GABRA2: variants seen among roughly 807,000 people sequenced by gnomAD.
The protein encoded by GABRA2 is gamma-aminobutyric acid receptor subunit alpha-2.
Under a neutral mutation model 48.7 loss-of-function variants are expected in GABRA2, and 16 were observed. The ratio of observed to expected loss-of-function variants is 0.33; its 90% confidence interval spans 0.22 to 0.50. The LOEUF (loss-of-function observed/expected upper bound fraction) is 0.50, where lower values mean the gene tolerates loss of function less well. Ranked by LOEUF, GABRA2 falls within the 20% of genes least tolerant of loss-of-function variation. The pLI is 0.98. For missense variants in GABRA2, 275 were observed against 535.6 expected, an observed-to-expected ratio of 0.51 and a Z score of 4.80; for synonymous variants, 185 against 184.5, an observed-to-expected ratio of 1.00 and a Z score of -0.02.
chr4:46,389,363 T>C (rs1003519922), intron 1 of GABRA2: 60 of 985,276 alleles, frequency 6.1e-5, no homozygotes, highest in Non-Finnish European at 7.0e-5. Context: ...GATCAAGTGC[T>C]GCGAAACGAC....
At chr4:46,280,509 G>T (rs1721327639) in intron 8 of GABRA2, among the ~76,000 whole-genome samples, 1 of 152,122 alleles carries the variant, frequency 6.6e-6, no homozygotes, top group Admixed American at 6.6e-5. Context: ...AAGAGTCTTT[G>T]GCTTTTACTT....
In GABRA2 at chr4:46,389,803, GAGAGAGAGAGA is replaced by G. The variant is rs1717986923; in HGVS notation, c.-90_-80del. 6.9e-6 allele frequency: 1 copy of G among 145,416 alleles called. No homozygotes were observed. Among genetic ancestry groups the G allele is most frequent in the Non-Finnish European group, 7.8e-6 (1 of 128,588 alleles). The allele number at this position is 145,416 out of a possible 1,614,324, so 9.0% of individuals were successfully genotyped here. The stretch of plus-strand genomic sequence containing the variant: ...GATCTTGACGAGATAGGAAACTTGG[GAGAGAGAGAGA>G]GAGAGAGAGAGAGAGAGAGAGAGAG... On this transcript the variant is annotated 5_prime_UTR_variant, in exon 1 of 10. Coordinates refer to ENST00000381620, the MANE Select transcript of GABRA2 (RefSeq NM_000807.4).
At chr4:46,320,741 A>G (rs958161361) in intron 4 of GABRA2, among the ~76,000 whole-genome samples, 1 of 151,920 alleles carries the variant, frequency 6.6e-6, no homozygotes, top group Admixed American at 6.6e-5. Flanking sequence ...AAAAGACAAG[A>G]GATAACGAGT....
intron 3 of GABRA2, among the ~76,000 whole-genome samples, chr4:46,355,421 G>T (rs1735803291): frequency 6.6e-6 from 1 of 152,092 alleles, no homozygotes; most frequent in African/African-American, 2.4e-5. Flanking sequence ...TGCAAACTCA[G>T]TAAAGGGATA....
intron 3 of GABRA2, 47 bp from the exon 4 acceptor site, chr4:46,332,729 C>T: frequency 2.7e-6 from 3 of 1,124,540 alleles, no homozygotes; most frequent in Non-Finnish European, 4.0e-6. Context: ...TAATAAGAGC[C>T]ACAGGAGAGA....
chr4:46,258,667 C>T (rs557198703), intron 9 of GABRA2, among the ~76,000 whole-genome samples: 10 of 151,702 alleles, frequency 6.6e-5, no homozygotes, highest in African/African-American at 2.4e-4. Context: ...GTGGCAGCTG[C>T]CAGGATGTGA....
At chr4:46,361,308 G>T (rs1713146743) in intron 3 of GABRA2, among the ~76,000 whole-genome samples, 1 of 152,154 alleles carries the variant, frequency 6.6e-6, no homozygotes, top group South Asian at 2.1e-4. Flanking sequence ...GGGACTTGGT[G>T]CCCTGCATCC....
intron 3 of GABRA2, among the ~76,000 whole-genome samples, chr4:46,355,718 G>A (rs1468819708): frequency 6.6e-6 from 1 of 152,118 alleles, no homozygotes; most frequent in African/African-American, 2.4e-5. Flanking sequence ...AACCTTATCA[G>A]AGCTGGAGGA....
chr4:46,332,110 A>G (rs1422747828), intron 4 of GABRA2, among the ~76,000 whole-genome samples: 7 of 152,130 alleles, frequency 4.6e-5, no homozygotes, highest in Admixed American at 4.6e-4. Flanking sequence ...TGATTTATAT[A>G]TACCTACTAT....
At chr4:46,349,501 G>A (rs1277327326) in intron 3 of GABRA2, among the ~76,000 whole-genome samples, 2 of 151,934 alleles carry the variant, frequency 1.3e-5, no homozygotes, top group East Asian at 3.9e-4. Flanking sequence ...AAAATTTAAA[G>A]CAATGTTTTA....
chr4:46,298,920 A>G (rs534952348), intron 8 of GABRA2, among the ~76,000 whole-genome samples: 145 of 151,838 alleles, frequency 9.5e-4, no homozygotes, highest in Non-Finnish European at 1.7e-3. Flanking sequence ...ACCTAGGTTT[A>G]ATTGCTAAAT....
chr4:46,348,846 G>T (rs567029420), intron 3 of GABRA2, among the ~76,000 whole-genome samples: 1 of 150,154 alleles, frequency 6.7e-6, no homozygotes, highest in Non-Finnish European at 1.5e-5. Context: ...TAATGGGTGC[G>T]GCACACCAAC....
chr4:46,258,740 G>A (rs1207658518), intron 9 of GABRA2, among the ~76,000 whole-genome samples: 2 of 151,874 alleles, frequency 1.3e-5, no homozygotes, highest in Non-Finnish European at 2.9e-5. Context: ...AAGTTGCTGT[G>A]CTGGGCCTGA....
intron 3 of GABRA2, chr4:46,366,205 C>A (rs1479631731): frequency 6.6e-6 from 1 of 152,050 alleles, no homozygotes; most frequent in Non-Finnish European, 1.5e-5. Flanking sequence ...ATTCACAACA[C>A]CCTAATAGAT....
chr4:46,329,412 G>A (rs534909487), intron 4 of GABRA2, among the ~76,000 whole-genome samples: 1 of 152,184 alleles, frequency 6.6e-6, no homozygotes, highest in South Asian at 2.1e-4. Context: ...GACATGCTAT[G>A]AGTTTTCAGC....
In GABRA2 at chr4:46,248,779, T is replaced by C. The variant is rs1714174437; in HGVS notation, c.*1529A>G. 1 of 151,464 alleles carries C rather than the reference T, an allele frequency of 6.6e-6. No individual in the cohort carries two copies. Among genetic ancestry groups the C allele is most frequent in the Non-Finnish European group, 1.5e-5 (1 of 67,652 alleles). 9.4% of individuals were successfully genotyped at this position (151,464 alleles called of 1,614,324 possible). A position where few individuals can be genotyped will look rare whatever the true frequency, so the allele number is the denominator to read the frequency against. On this transcript the variant is annotated 3_prime_UTR_variant, in exon 10 of 10. Transcript: ENST00000381620. Reference sequence around the variant, plus strand: ...AATGTTACTATTTGACTACTTATGTTTCTACAAAAACACCATCGTAAAGGT... The same window carrying C: ...AATGTTACTATTTGACTACTTATGTCTCTACAAAAACACCATCGTAAAGGT...
chr4:46,388,126 TTG>T (rs1194013879), intron 2 of GABRA2, among the ~76,000 whole-genome samples: 1 of 152,138 alleles, frequency 6.6e-6, no homozygotes, highest in Non-Finnish European at 1.5e-5. Context: ...GTTTCATTGT[TTG>T]TGATTGTGAA....
chr4:46,288,144 C>G (rs1373165370), intron 8 of GABRA2, among the ~76,000 whole-genome samples: 2 of 152,114 alleles, frequency 1.3e-5, no homozygotes, highest in African/African-American at 4.8e-5. Context: ...GCGGGAGTTA[C>G]AATTCAAGAT....
At chr4:46,366,619 T>A (rs1289761550) in intron 3 of GABRA2, 1 of 152,012 alleles carries the variant, frequency 6.6e-6, no homozygotes, top group Non-Finnish European at 1.5e-5. Context: ...GCTTCTAAGG[T>A]AGGGGTCATC....
Sources: allele counts gnomAD v4.1 joint callset (sites outside exome capture counted in the v4.1 genomes callset), GRCh38; gene constraint gnomAD v4.1.1; transcripts MANE v1.5; gene names NCBI Gene and HGNC (gene_info 2026-07-23, HGNC 2026-07-21).